The following MPP7 variants were observed in gnomAD, a reference collection of about 807,000 sequenced individuals.
MPP7 encodes the protein MAGUK p55 subfamily member 7.
In MPP7, 60 loss-of-function variants were observed where a neutral mutation model predicts 76.5. The ratio of observed to expected loss-of-function variants is 0.78; its 90% CI spans 0.64 to 0.97. The LOEUF is 0.97. Among genes scored for constraint, MPP7 ranks in the 50% least tolerant of loss-of-function variants. The pLI, the probability that MPP7 is intolerant of heterozygous loss-of-function variation, is 0.00. For missense variants in MPP7, 641 were observed against 694.0 expected, an observed-to-expected ratio of 0.92 and a Z score of 0.86; for synonymous variants, 237 against 244.5, an observed-to-expected ratio of 0.97 and a Z score of 0.29.
intron 1 of MPP7, among the ~76,000 whole-genome samples, 174 bp downstream of exon 1, chr10:28,302,687 A>G (rs969413925): frequency 2.0e-5 from 3 of 151,420 alleles, no homozygotes; most frequent in African/African-American, 7.3e-5. Context: ...CCTCCTCACA[A>G]GGTGCCCGCC....
intron 11 of MPP7, among the ~76,000 whole-genome samples, chr10:28,094,220 T>C (rs1265694122): frequency 1.3e-5 from 2 of 152,132 alleles, no homozygotes; most frequent in Non-Finnish European, 2.9e-5. Flanking sequence ...AGTGCCTTAA[T>C]GCACAGGAAT....
At chr10:28,267,866 A>T (rs1370936710) in intron 1 of MPP7, among the ~76,000 whole-genome samples, 1 of 151,708 alleles carries the variant, frequency 6.6e-6, no homozygotes, top group Non-Finnish European at 1.5e-5. Context: ...TGAAACTCCA[A>T]CTCTACCAAA....
intron 3 of MPP7, among the ~76,000 whole-genome samples, chr10:28,184,671 G>A (rs1226524410): frequency 6.7e-6 from 1 of 149,000 alleles, no homozygotes; most frequent in Non-Finnish European, 1.5e-5. Context: ...TCATGCCACT[G>A]CACTCCAGCC....
chr10:28,150,176 T>C (rs1835837277), intron 3 of MPP7, 117 bp from the exon 4 acceptor site: 1 of 700,468 alleles, frequency 1.4e-6, no homozygotes, highest in Non-Finnish European at 2.4e-6. Flanking sequence ...GTTATATGTT[T>C]ATGACATATT....
At chr10:28,315,805 G>T (rs985653019) in intron 2 of MPP7, among the ~76,000 whole-genome samples, 8 of 152,082 alleles carry the variant, frequency 5.3e-5, no homozygotes, top group Admixed American at 3.3e-4. Flanking sequence ...GGCGGGGAGA[G>T]TAACTTTACA....
At chr10:28,062,170 A>G (rs1046608479) in intron 13 of MPP7, among the ~76,000 whole-genome samples, 18 of 152,214 alleles carry the variant, frequency 1.2e-4, no homozygotes, top group African/African-American at 4.1e-4. Context: ...ATATTGTCTG[A>G]TAGTTTTCAA....
At chr10:28,117,141 A>T (rs1347645049) in intron 11 of MPP7, among the ~76,000 whole-genome samples, 1 of 152,150 alleles carries the variant, frequency 6.6e-6, no homozygotes, top group Non-Finnish European at 1.5e-5. Context: ...CAAATGAAAT[A>T]AAAAGCAAAA....
At chr10:28,083,837 C>G (rs1177631465) in intron 12 of MPP7, among the ~76,000 whole-genome samples, 2 of 152,150 alleles carry the variant, frequency 1.3e-5, no homozygotes, top group Non-Finnish European at 2.9e-5. Context: ...CGCACCTGGC[C>G]TTTACTCTAT....
intron 12 of MPP7, among the ~76,000 whole-genome samples, chr10:28,086,214 G>T (rs1268591704): frequency 6.6e-6 from 1 of 152,104 alleles, no homozygotes; most frequent in Non-Finnish European, 1.5e-5. Flanking sequence ...ATGACGGGTT[G>T]ATGGGTGCAG....
intron 2 of MPP7, among the ~76,000 whole-genome samples, chr10:28,326,594 G>A (rs1834417976): frequency 6.6e-6 from 1 of 152,204 alleles, no homozygotes. Context: ...CATCAGCAGA[G>A]CAAGCCCTGG....
chr10:28,118,293 A>G (rs1303223222), intron 11 of MPP7: 1 of 981,650 alleles, frequency 1.0e-6, no homozygotes, highest in East Asian at 1.1e-4. Context: ...TTTTAAAGAA[A>G]TACATATACA....
chr10:28,224,542 A>G (rs1838624961), intron 2 of MPP7, among the ~76,000 whole-genome samples: 1 of 152,222 alleles, frequency 6.6e-6, no homozygotes, highest in African/African-American at 2.4e-5. Context: ...AGCTAAAATT[A>G]TAACCTAATA....
chr10:28,229,789 TG>T (rs1407298654), intron 2 of MPP7, among the ~76,000 whole-genome samples: 2 of 151,870 alleles, frequency 1.3e-5, no homozygotes, highest in African/African-American at 4.8e-5. Context: ...CTCAGGAGGC[TG>T]AGGCAGGAGA....
chr10:28,070,447 A>G (rs1485498492), intron 12 of MPP7, among the ~76,000 whole-genome samples: 2 of 152,240 alleles, frequency 1.3e-5, no homozygotes, highest in East Asian at 3.8e-4. Context: ...ACAAGAGCCT[A>G]AAAACATGTC....
chr10:28,091,858 G>A (rs1853323086), intron 11 of MPP7, among the ~76,000 whole-genome samples: 1 of 152,110 alleles, frequency 6.6e-6, no homozygotes. Context: ...CATTGTATTA[G>A]GTATTACAAG....
intron 1 of MPP7, among the ~76,000 whole-genome samples, chr10:28,292,989 A>C (rs1362334636): frequency 6.6e-6 from 1 of 151,952 alleles, no homozygotes; most frequent in Non-Finnish European, 1.5e-5. Flanking sequence ...ATACAGAAAC[A>C]TAACTTTGTT....
chr10:28,156,873 C>CA (rs1836081547), intron 3 of MPP7, among the ~76,000 whole-genome samples: 1 of 152,130 alleles, frequency 6.6e-6, no homozygotes, highest in Non-Finnish European at 1.5e-5. Context: ...ATGAAACCCT[C>CA]ACACAAGAAA....
chr10:28,266,414 C>T (rs572892881), intron 1 of MPP7, among the ~76,000 whole-genome samples: 1 of 152,304 alleles, frequency 6.6e-6, no homozygotes, highest in South Asian at 2.1e-4. Flanking sequence ...AACTTCTGCG[C>T]TTCAGGTCCT....
intron 2 of MPP7, among the ~76,000 whole-genome samples, chr10:28,221,063 C>T (rs1370616122): frequency 6.6e-6 from 1 of 152,080 alleles, no homozygotes; most frequent in Admixed American, 6.5e-5. Context: ...GGCTGAACTC[C>T]TAAGAAACCT....
Sources: allele counts gnomAD v4.1 joint callset (sites outside exome capture counted in the v4.1 genomes callset), GRCh38; gene constraint gnomAD v4.1.1; transcripts MANE v1.5; gene names NCBI Gene and HGNC (gene_info 2026-07-23, HGNC 2026-07-21).